PRKN: variants seen among roughly 807,000 people sequenced by gnomAD.
The protein encoded by PRKN is E3 ubiquitin-protein ligase parkin.
Under a neutral mutation model 59.5 loss-of-function variants are expected in PRKN, and 56 were observed. The ratio of observed to expected loss-of-function variants is 0.94; its 90% CI spans 0.76 to 1.18. PRKN has a LOEUF of 1.18. Among genes scored for constraint, PRKN ranks in the 50% most tolerant of loss-of-function variants. The pLI is 0.00. For synonymous variants in PRKN, 250 were observed against 222.1 expected (o/e 1.13, Z -1.12); for missense variants, 657 against 596.4 (o/e 1.10, Z -1.06).
intron 5 of PRKN, among the ~76,000 whole-genome samples, chr6:161,999,333 C>G (rs1781961032): frequency 6.6e-6 from 1 of 152,046 alleles, no homozygotes; most frequent in Admixed American, 6.6e-5. Flanking sequence ...TCCTCTTGTG[C>G]CCATCTGGAC....
intron 7 of PRKN, among the ~76,000 whole-genome samples, chr6:161,743,226 T>G (rs1318627385): frequency 1.6e-5 from 2 of 124,812 alleles, no homozygotes; most frequent in African/African-American, 5.8e-5. Flanking sequence ...TTTTTTTTTT[T>G]TTTTTTTTTT....
At position 162,056,968 on chromosome 6, in the gene PRKN, C is replaced by T. The variant is rs1054776719; in HGVS notation, c.535-2794G>A. The stretch of plus-strand genomic sequence containing the variant: ...CTCCTCCCCCTGGGCCTTTTCCCCT[C>T]GCTTCATATCCTTTTGTTGTAGTGA... On this transcript the variant is annotated intron_variant, in intron 4 of 11. Transcript: ENST00000366898. The surrounding 1 kb of genome is among the most constrained non-coding windows in gnomAD (Gnocchi z 4.9). Among the ~76,000 whole-genome samples the T allele has an allele frequency of 3.9e-5, 6 of 152,124 alleles. No individual in the cohort carries two copies. Among genetic ancestry groups the T allele is most frequent in the Admixed American group, 1.3e-4 (2 of 15,280 alleles).
rs560903535 is a variant in PRKN, at chr6:161,886,619, C to T, written c.734+86683G>A. Among the ~76,000 whole-genome samples, 14 of 152,154 alleles carry T rather than the reference C, an allele frequency of 9.2e-5. No individual in the cohort carries two copies. In the South Asian group the frequency reaches 2.9e-3, roughly 32 times the overall value. On this transcript the variant is annotated intron_variant, in intron 6 of 11. Coordinates refer to ENST00000366898, the MANE Select transcript of PRKN (RefSeq NM_004562.3). ...GGCTGAGGCAGGAGAATCACTTGAA[C>T]CCGGGAGGTGGAGGTTGCGGTGAGC... is the stretch of plus-strand genomic sequence containing the variant.
At chr6:161,646,701 G>T (rs1783969855) in intron 7 of PRKN, among the ~76,000 whole-genome samples, 1 of 152,180 alleles carries the variant, frequency 6.6e-6, no homozygotes, top group Non-Finnish European at 1.5e-5. Context: ...GTTTGATGCA[G>T]CCTCCTAAGC....
chr6:162,149,155 G>C (rs1338425309), intron 4 of PRKN, among the ~76,000 whole-genome samples: 1 of 152,166 alleles, frequency 6.6e-6, no homozygotes, highest in Non-Finnish European at 1.5e-5. Context: ...GGTCGTATTA[G>C]AGAAGAGGCA....
At chr6:162,662,289 GTTGT>G (rs911265796) in intron 1 of PRKN, among the ~76,000 whole-genome samples, 37 of 150,218 alleles carry the variant, frequency 2.5e-4, no homozygotes, top group African/African-American at 8.5e-4. Context: ...TTCTTGTTGA[GTTGT>G]TTGAGTTCCT....
chr6:161,908,484 T>C (rs1335267078), intron 6 of PRKN, among the ~76,000 whole-genome samples: 1 of 152,200 alleles, frequency 6.6e-6, no homozygotes, highest in African/African-American at 2.4e-5. Flanking sequence ...TGAATTCTGT[T>C]TGATGACACA....
At chr6:161,730,118 AT>A (rs1562638502) in intron 7 of PRKN, among the ~76,000 whole-genome samples, 1 of 140,872 alleles carries the variant, frequency 7.1e-6, no homozygotes, top group Non-Finnish European at 1.5e-5. Context: ...ATTCTTTCTG[AT>A]GTGTTGCATT....
intron 2 of PRKN, among the ~76,000 whole-genome samples, chr6:162,347,998 T>C (rs1433051228): frequency 6.6e-6 from 1 of 152,150 alleles, no homozygotes; most frequent in Non-Finnish European, 1.5e-5. Context: ...CCTCCAAATT[T>C]CACAGGACAA....
chr6:161,435,884 C>T (rs1376401549), intron 9 of PRKN, among the ~76,000 whole-genome samples: 2 of 86,846 alleles, frequency 2.3e-5, no homozygotes, highest in Admixed American at 1.4e-4. Context: ...GCCCTGAGGC[C>T]GACCCACTCC....
At chr6:162,534,772 G>A (rs1021224195) in intron 1 of PRKN, among the ~76,000 whole-genome samples, 7 of 152,090 alleles carry the variant, frequency 4.6e-5, no homozygotes, top group African/African-American at 1.7e-4. Context: ...TCCAGTAGAG[G>A]CTGTGTGGAG....
chr6:162,609,043 G>A (rs1782034396), intron 1 of PRKN, among the ~76,000 whole-genome samples: 1 of 152,150 alleles, frequency 6.6e-6, no homozygotes, highest in Non-Finnish European at 1.5e-5. Flanking sequence ...CACTGGTTCT[G>A]CACCACCATC....
chr6:162,252,460 G>C (rs1238744695), intron 3 of PRKN, among the ~76,000 whole-genome samples: 1 of 152,180 alleles, frequency 6.6e-6, no homozygotes, highest in Admixed American at 6.6e-5. Context: ...CACTGCTATG[G>C]TCTGACTGTT....
chr6:162,707,888 T>C (rs1278262647), intron 1 of PRKN, among the ~76,000 whole-genome samples: 1 of 152,166 alleles, frequency 6.6e-6, no homozygotes, highest in African/African-American at 2.4e-5. Context: ...CTAATATTTG[T>C]ATTTTTAGTA....
At chr6:161,788,952 A>G (rs1420137098) in intron 6 of PRKN, among the ~76,000 whole-genome samples, 1 of 152,210 alleles carries the variant, frequency 6.6e-6, no homozygotes, top group African/African-American at 2.4e-5. Context: ...TAAGATACAC[A>G]GATGAAGATA....
chr6:162,459,407 TAATA>T (rs1349432323), intron 1 of PRKN, among the ~76,000 whole-genome samples: 1 of 152,124 alleles, frequency 6.6e-6, no homozygotes, highest in Non-Finnish European at 1.5e-5. Context: ...AATTATTAAT[TAATA>T]TTTAATGAAA....
chr6:162,474,648 A>G (rs777425907), intron 1 of PRKN, among the ~76,000 whole-genome samples: 1 of 152,222 alleles, frequency 6.6e-6, no homozygotes, highest in Non-Finnish European at 1.5e-5. Flanking sequence ...AAGGGCAAAC[A>G]TAAAACAATT....
At chr6:162,216,612 T>C (rs1777681288) in intron 3 of PRKN, among the ~76,000 whole-genome samples, 1 of 148,986 alleles carries the variant, frequency 6.7e-6, no homozygotes, top group Admixed American at 6.7e-5. Context: ...TTTGATCACC[T>C]GTCCAAACCA....
Position 161,442,770 on chromosome 6 carries a change from C to T in PRKN, c.1084-55893G>A, listed in dbSNP as rs1789300269. Among the ~76,000 whole-genome samples, 1 of 152,252 alleles carries T rather than the reference C, an allele frequency of 6.6e-6. No homozygotes were observed. Among genetic ancestry groups the T allele is most frequent in the Non-Finnish European group, 1.5e-5 (1 of 68,042 alleles). ...TGCAGCCGTGGAGACGAACAGCTTACCGAGAGCCTCTGCCAGGAAGCAAAA... is the reference window on the plus strand; with the variant it reads ...TGCAGCCGTGGAGACGAACAGCTTATCGAGAGCCTCTGCCAGGAAGCAAAA... On this transcript the variant is annotated intron_variant, in intron 9 of 11. Transcript: ENST00000366898. The surrounding 1 kb of genome is among the most constrained non-coding windows in gnomAD (Gnocchi z 4.6).
Sources: allele counts gnomAD v4.1 joint callset (sites outside exome capture counted in the v4.1 genomes callset), GRCh38; gene constraint gnomAD v4.1.1; non-coding constraint Gnocchi (gnomAD v3.1); transcripts MANE v1.5; gene names NCBI Gene and HGNC (gene_info 2026-07-23, HGNC 2026-07-21).